CPXM2: variants seen among roughly 807,000 people sequenced by gnomAD.
CPXM2 encodes inactive carboxypeptidase-like protein X2.
A neutral mutation model predicts 86.1 loss-of-function variants in CPXM2; 66 were observed. The ratio of observed to expected loss-of-function variants is 0.77; its 90% CI spans 0.63 to 0.94. The LOEUF (loss-of-function observed/expected upper bound fraction) is 0.94. CPXM2 is among the 40% of genes least tolerant of loss of function. CPXM2 has a pLI of 0.00. For missense variants in CPXM2, 948 were observed against 1,026.3 expected (o/e 0.92, Z 1.04); for synonymous variants, 388 against 400.2 (o/e 0.97, Z 0.36).
At chr10:123,914,810 C>G (rs1020904782) in intron 2 of CPXM2, among the ~76,000 whole-genome samples, 2 of 152,222 alleles carry the variant, frequency 1.3e-5, no homozygotes, top group Non-Finnish European at 2.9e-5. Flanking sequence ...AGCCTCCTGA[C>G]TAGTCTCCAT....
At chr10:123,761,819 C>T (rs191938148) in intron 11 of CPXM2, 53 bp downstream of exon 11, 5 of 1,537,488 alleles carry the variant, frequency 3.3e-6, no homozygotes, top group Non-Finnish European at 4.4e-6. Context: ...GGAGGAGACC[C>T]CTGCAGCGTC....
At chr10:123,855,763 G>A (rs561011947) in intron 3 of CPXM2, among the ~76,000 whole-genome samples, 3 of 152,318 alleles carry the variant, frequency 2.0e-5, no homozygotes, top group East Asian at 1.9e-4. Context: ...AAGTGGATGA[G>A]AACACTGGAA....
chr10:123,875,450 C>T lies in CPXM2; in HGVS notation c.403+4761G>A, dbSNP rs150404795. Among the ~76,000 whole-genome samples the T allele has an allele frequency of 5.9e-4, 90 of 152,230 alleles. No homozygotes were observed. In the East Asian group the frequency reaches 0.015, roughly 26 times the overall value. ...TGGCAGTTTATCATGTCTACTGTGT[C>T]GGTAAAATCTTTCAGAATCAGGGGT... On this transcript the variant is annotated intron_variant, in intron 2 of 13. Transcript: ENST00000241305.
At chr10:123,868,012 T>G (rs1944824546) in intron 2 of CPXM2, among the ~76,000 whole-genome samples, 1 of 152,196 alleles carries the variant, frequency 6.6e-6, no homozygotes, top group Non-Finnish European at 1.5e-5. Flanking sequence ...CTGGGGAATC[T>G]TAAACCTGCA....
chr10:123,754,755 C>T lies in CPXM2; in HGVS notation c.1925G>A (p.Arg642His), dbSNP rs769337470. 1.6e-5 allele frequency: 26 copies of T among 1,594,116 alleles called. No homozygotes were observed. In the East Asian group the frequency reaches 4.7e-4, roughly 29 times the overall value. ...SLIVFMEQVH[R>H]GIKGLVRDSH... is the part of the protein sequence containing the mutation. The stretch of plus-strand genomic sequence containing the variant: ...ATCTCTCACCAAGCCTTTAATGCCA[C>T]GATGAACCTGCTCAGCAAACATGAG... The change falls in exon 13 of 14, where the codon CGT becomes CAT. Residue 642 changes from arginine (R) to histidine (H), a missense_variant. Physicochemically the swap from Arg to His is conservative, Grantham distance 29. Coordinates refer to ENST00000241305, the MANE Select transcript of CPXM2 (RefSeq NM_198148.3). This position sits in a 1 kb window ranked among gnomAD's most constrained non-coding sequence, Gnocchi z 4.0.
intron 2 of CPXM2, among the ~76,000 whole-genome samples, chr10:123,869,613 C>T (rs1157780475): frequency 6.6e-6 from 1 of 152,222 alleles, no homozygotes; most frequent in Non-Finnish European, 1.5e-5. Context: ...GGCGCCATCT[C>T]CCAGCCCCAT....
intron 2 of CPXM2, among the ~76,000 whole-genome samples, chr10:123,875,815 T>TC (rs1944977191): frequency 7.1e-6 from 1 of 141,274 alleles, no homozygotes; most frequent in Non-Finnish European, 1.5e-5. Context: ...TTCTTTTTTT[T>TC]TTTTTTTTTT....
intron 4 of CPXM2, among the ~76,000 whole-genome samples, chr10:123,799,800 C>G (rs1471343510): frequency 6.6e-6 from 1 of 152,176 alleles, no homozygotes. Flanking sequence ...CCCATCATCA[C>G]ACCCTACTGC....
chr10:123,906,773 C>A (rs1015871409), intron 2 of CPXM2, among the ~76,000 whole-genome samples: 9 of 152,196 alleles, frequency 5.9e-5, no homozygotes, highest in Non-Finnish European at 1.3e-4. Context: ...TTCAAGCCAT[C>A]CCCATGCACT....
chr10:123,936,014 C>T (rs369102086), intron 2 of CPXM2, among the ~76,000 whole-genome samples: 2 of 103,850 alleles, frequency 1.9e-5, no homozygotes, highest in East Asian at 3.0e-4. Context: ...TCCTTACCAT[C>T]ATCACCACCA....
chr10:123,837,145 C>A (rs1848297979), intron 4 of CPXM2, among the ~76,000 whole-genome samples: 1 of 152,360 alleles, frequency 6.6e-6, no homozygotes, highest in South Asian at 2.1e-4. Flanking sequence ...CAAAGAAAAG[C>A]TGAACGTGGA....
At position 123,802,802 on chromosome 10, in the gene CPXM2, T is replaced by C. The variant is rs143032597; in HGVS notation, c.654-3603A>G. 7.2e-4 allele frequency among the ~76,000 whole-genome samples: 109 copies of C among 152,330 alleles called. 1 individual carries two copies. In the East Asian group the frequency reaches 0.02, roughly 28 times the overall value. On this transcript the variant is annotated intron_variant, in intron 4 of 13. Transcript: ENST00000241305. ...AAACAAGAGTCTGGTTATTCCATGC[T>C]CTTATTGACACTTGTTATTATCTTC... is the stretch of plus-strand genomic sequence containing the variant.
At chr10:123,773,613 A>G (rs1846709440) in intron 7 of CPXM2, among the ~76,000 whole-genome samples, 1 of 152,196 alleles carries the variant, frequency 6.6e-6, no homozygotes, top group Non-Finnish European at 1.5e-5. Flanking sequence ...TTGAGCAAAT[A>G]CACACCGCTC....
At chr10:123,890,310 G>C (rs936013970) in intron 1 of CPXM2, among the ~76,000 whole-genome samples, 6 of 152,238 alleles carry the variant, frequency 3.9e-5, no homozygotes, top group African/African-American at 1.4e-4. Context: ...ACAAATGGAA[G>C]CATGCCAGGG....
chr10:123,830,678 C>T (rs931937243), intron 4 of CPXM2, among the ~76,000 whole-genome samples: 1 of 152,100 alleles, frequency 6.6e-6, no homozygotes, highest in Non-Finnish European at 1.5e-5. Flanking sequence ...GGTTAGCGGG[C>T]TTGAATCTTA....
intron 6 of CPXM2, among the ~76,000 whole-genome samples, chr10:123,784,678 T>A (rs1481032715): frequency 6.6e-6 from 1 of 152,238 alleles, no homozygotes; most frequent in Non-Finnish European, 1.5e-5. Flanking sequence ...GGGAGCCCTC[T>A]GGAGACTTAA....
chr10:123,837,682 A>G (rs1276207819), intron 4 of CPXM2, among the ~76,000 whole-genome samples: 1 of 152,246 alleles, frequency 6.6e-6, no homozygotes, highest in African/African-American at 2.4e-5. Context: ...AGAAGTATAA[A>G]TTATTCAATA....
At chr10:123,790,619 G>A (rs1475241023) in intron 6 of CPXM2, among the ~76,000 whole-genome samples, 1 of 152,102 alleles carries the variant, frequency 6.6e-6, no homozygotes, top group Non-Finnish European at 1.5e-5. Context: ...CTGCTAGGAG[G>A]ACAGGCTGCA....
intron 6 of CPXM2, among the ~76,000 whole-genome samples, chr10:123,797,098 G>A (rs113471039): frequency 1.4e-3 from 212 of 152,348 alleles, no homozygotes; most frequent in South Asian, 0.011. Flanking sequence ...GGTGGCACAT[G>A]TGAATTCAAA....
Sources: gnomAD v4.1 joint callset for allele counts (sites outside exome capture counted in the v4.1 genomes callset) on GRCh38, gnomAD v4.1.1 for gene constraint, Gnocchi (gnomAD v3.1) non-coding constraint, MANE v1.5 for transcripts, NCBI Gene and HGNC (gene_info 2026-07-23, HGNC 2026-07-21) for gene names.